Variants in LINC00305 observed in about 807,000 individuals in gnomAD.
LINC00305 encodes long independently transcribed non-coding RNA 305, also known as long intergenic non-protein coding RNA 305.
At chr18:64,119,422 T>C (rs979352563) in intron 1 of LINC00305, among the ~76,000 whole-genome samples, 3 of 152,180 alleles carry the variant, frequency 2.0e-5, no homozygotes, top group Admixed American at 6.5e-5. Context: ...TGTTAAATAA[T>C]GTATTGATTC....
In LINC00305 at chr18:64,143,552, T is replaced by TGTA. The variant is rs564184468; in HGVS notation, n.314+5222_314+5223insTAC. On this transcript the variant is annotated intron_variant and non_coding_transcript_variant, in intron 1 of 3. Coordinates refer to ENST00000666468, the Ensembl canonical transcript of LINC00305. ...ATGTGTACATATATATGTACACATA[T>TGTA]TATGTGTACATATATACACATATGT... Among the ~76,000 whole-genome samples, 16 of 26,090 alleles carry TGTA rather than the reference T, an allele frequency of 6.1e-4. 1 individual carries two copies. Among genetic ancestry groups the TGTA allele is most frequent in the Non-Finnish European group, 1.2e-3 (16 of 13,100 alleles). 17.1% of individuals were successfully genotyped at this position (26,090 alleles called of 152,430 possible). A position where few individuals can be genotyped will look rare whatever the true frequency, so the allele number is the denominator to read the frequency against.
chr18:64,140,454 C>T (rs992231058), intron 1 of LINC00305, among the ~76,000 whole-genome samples: 2 of 152,140 alleles, frequency 1.3e-5, no homozygotes, highest in African/African-American at 4.8e-5. Flanking sequence ...GGTGATCCAC[C>T]AGCATTGGCC....
At chr18:64,103,823 A>G (rs1218424069) in intron 1 of LINC00305, among the ~76,000 whole-genome samples, 2 of 152,222 alleles carry the variant, frequency 1.3e-5, no homozygotes, top group Non-Finnish European at 2.9e-5. Flanking sequence ...TGTTGCTTAG[A>G]TACTAGAGTC....
At chr18:64,084,456 G>A (rs111961847) in intron 3 of LINC00305, among the ~76,000 whole-genome samples, 116 of 152,110 alleles carry the variant, frequency 7.6e-4, no homozygotes, top group African/African-American at 2.5e-3. Context: ...TAACAATACC[G>A]CACATGTACC....
chr18:64,106,314 T>A (rs2051290493), intron 1 of LINC00305, among the ~76,000 whole-genome samples: 1 of 152,206 alleles, frequency 6.6e-6, no homozygotes, highest in African/African-American at 2.4e-5. Context: ...CCTGGAAGCC[T>A]GGACATAGGT....
intron 1 of LINC00305, among the ~76,000 whole-genome samples, chr18:64,143,790 ATTATGCGTACATG>A: frequency 1.0e-5 from 1 of 99,470 alleles, no homozygotes; most frequent in African/African-American, 3.6e-5. Flanking sequence ...ATGTACACAT[ATTATGCGTACATG>A]TATGTATACA....
rs566107853 is a variant in LINC00305 at position 64,095,938 on chromosome 18, A to T, written n.540+1896T>A. ...ATGGGAAATGTTATGAAAAGAAACAAAAATTTCAATTTTCCCCATGAACAT... is the reference window on the plus strand; with the variant it reads ...ATGGGAAATGTTATGAAAAGAAACATAAATTTCAATTTTCCCCATGAACAT... On this transcript the variant is annotated intron_variant and non_coding_transcript_variant, in intron 3 of 3. Transcript: ENST00000666468. Among the ~76,000 whole-genome samples, 119 of 152,296 alleles carry T rather than the reference A, an allele frequency of 7.8e-4. 1 individual carries two copies. The highest frequency in any genetic ancestry group is 2.8e-3 in the African/African-American group (117 of 41,580).
At chr18:64,132,175 A>G (rs1259736458) in intron 1 of LINC00305, among the ~76,000 whole-genome samples, 1 of 152,262 alleles carries the variant, frequency 6.6e-6, no homozygotes, top group Admixed American at 6.5e-5. Context: ...TAATTTACCT[A>G]TATTTGGTAG....
chr18:64,134,572 T>C (rs2051424012), intron 1 of LINC00305, among the ~76,000 whole-genome samples: 2 of 152,204 alleles, frequency 1.3e-5, no homozygotes. Context: ...GTGAAATGAC[T>C]CATCATTATT....
rs148438544 is a variant in LINC00305 at position 64,126,027 on chromosome 18, C to T, written n.314+22748G>A. Among the ~76,000 whole-genome samples the T allele has an allele frequency of 8.1e-3, 1,238 of 152,210 alleles. 17 individuals carry two copies. Among genetic ancestry groups the T allele is most frequent in the African/African-American group, 0.028 (1,184 of 41,552 alleles). On this transcript the variant is annotated intron_variant and non_coding_transcript_variant, in intron 1 of 3. Coordinates refer to ENST00000666468, the Ensembl canonical transcript of LINC00305. ...ACAGAAAGAAAATCCTTCCTGGACACTGTTTCCTTGATCTTGGGCTTCTCA... is the reference window on the plus strand; with the variant it reads ...ACAGAAAGAAAATCCTTCCTGGACATTGTTTCCTTGATCTTGGGCTTCTCA...
At chr18:64,114,020 A>G (rs2051326540) in intron 1 of LINC00305, among the ~76,000 whole-genome samples, 1 of 152,256 alleles carries the variant, frequency 6.6e-6, no homozygotes. Flanking sequence ...CTGTAATCCC[A>G]GCACTTTGGG....
At chr18:64,098,745 G>A (rs1454100619) in intron 1 of LINC00305, 1 of 336,990 alleles carries the variant, frequency 3.0e-6, no homozygotes, top group African/African-American at 2.2e-5. Flanking sequence ...TCTTCTGTGT[G>A]AATCAGTGCT....
chr18:64,138,428 T>A (rs896220094), intron 1 of LINC00305, among the ~76,000 whole-genome samples: 1 of 152,174 alleles, frequency 6.6e-6, no homozygotes, highest in African/African-American at 2.4e-5. Flanking sequence ...AAGTGAGAAG[T>A]AAAAAGTCAA....
chr18:64,102,100 C>G (rs970203929), intron 1 of LINC00305, among the ~76,000 whole-genome samples: 1 of 152,114 alleles, frequency 6.6e-6, no homozygotes, highest in Non-Finnish European at 1.5e-5. Context: ...CCCCAGTGAC[C>G]GCTGTTCATA....
intron 3 of LINC00305, among the ~76,000 whole-genome samples, chr18:64,086,517 G>A (rs17072543): frequency 0.035 from 5,288 of 152,272 alleles, 283 homozygotes; most frequent in African/African-American, 0.12. Context: ...GCTTGAAAGG[G>A]TACCAATAGC....
intron 3 of LINC00305, among the ~76,000 whole-genome samples, chr18:64,081,179 A>G (rs565975804): frequency 2.6e-5 from 4 of 152,336 alleles, no homozygotes; most frequent in African/African-American, 7.2e-5. Context: ...TAGCTGTCAC[A>G]TTGCCTTTTG....
chr18:64,099,002 T>G (rs2051257896), intron 1 of LINC00305, among the ~76,000 whole-genome samples: 1 of 151,982 alleles, frequency 6.6e-6, no homozygotes, highest in Non-Finnish European at 1.5e-5. Context: ...GAAAGTGGGG[T>G]GTTTGAGCAG....
chr18:64,143,854 A>G (rs1425497916), intron 1 of LINC00305, among the ~76,000 whole-genome samples: 1 of 152,044 alleles, frequency 6.6e-6, no homozygotes, highest in African/African-American at 2.4e-5. Flanking sequence ...ATACATACAT[A>G]CATACATACA....
intron 3 of LINC00305, among the ~76,000 whole-genome samples, chr18:64,091,398 A>G (rs2051224479): frequency 6.6e-6 from 1 of 152,194 alleles, no homozygotes; most frequent in African/African-American, 2.4e-5. Flanking sequence ...ATGATGCTCC[A>G]TTGTTTCGTT....
Sources: allele counts gnomAD v4.1 joint callset (sites outside exome capture counted in the v4.1 genomes callset), GRCh38; gene constraint gnomAD v4.1.1; transcripts MANE v1.5; gene names NCBI Gene and HGNC (gene_info 2026-07-23, HGNC 2026-07-21).